The following AGMO variants were observed in gnomAD, a reference collection of about 807,000 sequenced individuals.
The protein encoded by AGMO is glyceryl-ether monooxygenase.
A neutral mutation model predicts 60.2 loss-of-function variants in AGMO; 75 were observed. That is an observed-to-expected ratio of 1.25 (90% CI 1.03 to 1.51). The LOEUF (loss-of-function observed/expected upper bound fraction) is 1.51, where lower values mean the gene tolerates loss of function less well. Ranked by LOEUF, AGMO falls within the 40% of genes most tolerant of loss-of-function variation. AGMO has a pLI of 0.00. For missense variants in AGMO, 763 were observed against 525.5 expected (o/e 1.45, Z -4.42); for synonymous variants, 261 against 177.1 (o/e 1.47, Z -3.76).
In AGMO at chr7:15,456,176, A is replaced by T. The variant is rs555145467; in HGVS notation, c.410-25068T>A. On this transcript the variant is annotated intron_variant, in intron 3 of 12. Coordinates refer to ENST00000342526, the MANE Select transcript of AGMO (RefSeq NM_001004320.2). The stretch of plus-strand genomic sequence containing the variant: ...TTTGGATAATTTTATTTCTGTCTTC[A>T]TATATTTAATTTCTCAAACTTCACT... 1.5e-3 allele frequency among the ~76,000 whole-genome samples: 225 copies of T among 152,114 alleles called. 2 individuals are homozygous for T. Among genetic ancestry groups the T allele is most frequent in the Non-Finnish European group, 2.0e-3 (134 of 67,974 alleles).
chr7:15,286,740 A>T (rs1784111040), intron 12 of AGMO, among the ~76,000 whole-genome samples: 3 of 152,140 alleles, frequency 2.0e-5, no homozygotes, highest in South Asian at 4.1e-4. Context: ...TCCAAAGGAA[A>T]ATAAGATATT....
rs577637612 is a variant in AGMO, at chr7:15,353,399, AACTC to A, written c.1263+12111_1263+12114del. 2.2e-4 allele frequency among the ~76,000 whole-genome samples: 33 copies of A among 152,272 alleles called. No individual in the cohort carries two copies. In the East Asian group the frequency reaches 5.4e-3, roughly 25 times the overall value. ...TTAATGGGGATTGTATTCATGTTAT[AACTC>A]ACTCAAAATTCCTAGGCTTATGATG... On this transcript the variant is annotated intron_variant, in intron 12 of 12. Transcript: ENST00000342526.
intron 5 of AGMO, among the ~76,000 whole-genome samples, chr7:15,411,575 T>C (rs1448934840): frequency 1.3e-5 from 2 of 152,096 alleles, no homozygotes; most frequent in Non-Finnish European, 2.9e-5. Context: ...TATTAAAGTT[T>C]TTATAATCAT....
intron 12 of AGMO, among the ~76,000 whole-genome samples, chr7:15,268,856 C>A (rs141743788): frequency 1.7e-4 from 26 of 151,922 alleles, no homozygotes; most frequent in African/African-American, 5.1e-4. Flanking sequence ...CTCTATTTTG[C>A]GGTAAGGTCA....
chr7:15,493,561 G>C (rs890992284), intron 3 of AGMO, among the ~76,000 whole-genome samples: 2 of 151,114 alleles, frequency 1.3e-5, no homozygotes, highest in African/African-American at 4.9e-5. Context: ...TTTTTTAGTA[G>C]AGACGGGGTT....
chr7:15,486,035 G>A (rs755657661), intron 3 of AGMO, among the ~76,000 whole-genome samples: 10 of 152,136 alleles, frequency 6.6e-5, no homozygotes, highest in Non-Finnish European at 1.3e-4. Context: ...GCTTCAGAAC[G>A]ATTAGAATAG....
At position 15,354,504 on chromosome 7, in the gene AGMO, A is replaced by G. The variant is rs1188849623; in HGVS notation, c.1263+11010T>C. Among the ~76,000 whole-genome samples, 252 of 35,580 alleles carry G rather than the reference A, an allele frequency of 7.1e-3. 18 individuals carry two copies. The highest frequency in any genetic ancestry group is 0.017 in the Middle Eastern group (1 of 60). The allele number at this position is 35,580 out of a possible 152,430, so 23.3% of individuals were successfully genotyped here. On this transcript the variant is annotated intron_variant, in intron 12 of 12. Coordinates refer to ENST00000342526, the MANE Select transcript of AGMO (RefSeq NM_001004320.2). ...TGTGTATATACACACGTGTATATAT[A>G]TATATATATATATATATATATATAT...
the AGMO span, among the ~76,000 whole-genome samples, chr7:15,160,585 G>C: frequency 6.6e-6 from 1 of 151,770 alleles, no homozygotes; most frequent in African/African-American, 2.4e-5. Flanking sequence ...AACTTAAAAG[G>C]ATATAATTTA....
intron 12 of AGMO, among the ~76,000 whole-genome samples, chr7:15,301,846 T>A (rs983855964): frequency 3.3e-5 from 5 of 152,106 alleles, no homozygotes; most frequent in Non-Finnish European, 7.3e-5. Flanking sequence ...AATTTTTTAT[T>A]ATATAGAAAT....
chr7:15,291,865 T>C (rs1162191556), intron 12 of AGMO, among the ~76,000 whole-genome samples: 1 of 152,134 alleles, frequency 6.6e-6, no homozygotes, highest in African/African-American at 2.4e-5. Context: ...AGCTTCCTTC[T>C]GGAGAAGAAA....
At chr7:15,221,275 G>A (rs988741328) in intron 12 of AGMO, among the ~76,000 whole-genome samples, 4 of 152,126 alleles carry the variant, frequency 2.6e-5, no homozygotes, top group African/African-American at 9.7e-5. Flanking sequence ...CCATCTGTCA[G>A]TTCCTTGAGC....
At chr7:15,477,281 G>C (rs766142679) in intron 3 of AGMO, among the ~76,000 whole-genome samples, 1 of 151,970 alleles carries the variant, frequency 6.6e-6, no homozygotes, top group Non-Finnish European at 1.5e-5. Context: ...GGGTCTTTTG[G>C]GTGAGTGGTT....
intron 12 of AGMO, among the ~76,000 whole-genome samples, chr7:15,278,039 C>T (rs933534200): frequency 3.3e-5 from 5 of 152,078 alleles, no homozygotes; most frequent in Admixed American, 3.3e-4. Flanking sequence ...ACCCCTGGTC[C>T]CAGGGCTCAT....
chr7:15,306,078 A>G (rs1780604143), intron 12 of AGMO, among the ~76,000 whole-genome samples: 1 of 152,004 alleles, frequency 6.6e-6, no homozygotes, highest in African/African-American at 2.4e-5. Flanking sequence ...AACTTTAAAG[A>G]ATAATTTAAA....
intron 12 of AGMO, among the ~76,000 whole-genome samples, chr7:15,287,514 G>A (rs762989124): frequency 6.6e-6 from 1 of 152,130 alleles, no homozygotes; most frequent in Admixed American, 6.6e-5. Context: ...TGAACAAAAG[G>A]TAGATTATTT....
At chr7:15,540,455 C>T (rs1784596248) in intron 3 of AGMO, among the ~76,000 whole-genome samples, 1 of 152,142 alleles carries the variant, frequency 6.6e-6, no homozygotes, top group Non-Finnish European at 1.5e-5. Flanking sequence ...AAAGAGCACG[C>T]TGGAAAATGG....
rs1563105071 is a variant in AGMO at position 15,354,372 on chromosome 7, GTGTGTATACA to G, written c.1263+11132_1263+11141del. ...TGTATATAGACGTGTGTATATAGACGTGTGTATACACGTGTGTGTATACACGTGTGTGTAC... is the reference window on the plus strand; with the variant it reads ...TGTATATAGACGTGTGTATATAGACGCGTGTGTGTATACACGTGTGTGTAC... On this transcript the variant is annotated intron_variant, in intron 12 of 12. Transcript: ENST00000342526. 4.0e-4 allele frequency among the ~76,000 whole-genome samples: 24 copies of G among 60,280 alleles called. 3 individuals carry two copies. The East Asian group carries it at 0.016, about 41-fold the overall frequency. 39.5% of individuals were successfully genotyped at this position (60,280 alleles called of 152,430 possible).
intron 12 of AGMO, among the ~76,000 whole-genome samples, chr7:15,239,937 G>C (rs1459221059): frequency 6.6e-6 from 1 of 152,036 alleles, no homozygotes; most frequent in African/African-American, 2.4e-5. Context: ...CCTTATCCAT[G>C]CATTTTGAAA....
In AGMO at chr7:15,385,539, G is replaced by T. The variant is rs982863271; in HGVS notation, c.981C>A (p.Phe327Leu). 12 of 1,612,182 alleles carry T rather than the reference G, an allele frequency of 7.4e-6. No individual in the cohort carries two copies. The highest frequency in any genetic ancestry group is 2.7e-5 in the African/African-American group (2 of 74,974). Reference sequence around the variant, plus strand: ...TTAATAGCTGAGATGAAGATGATGAGAAGGGAACTTCTTTGCCGGTGACCT... The same window carrying T: ...TTAATAGCTGAGATGAAGATGATGATAAGGGAACTTCTTTGCCGGTGACCT... Reference protein sequence around the residue: ...IPEVTGKEVPFSSSSSQLLKI... With the variant: ...IPEVTGKEVPLSSSSSQLLKI... Residue 327 changes from phenylalanine to leucine, a missense_variant, in exon 10 of 13, where the codon TTC becomes TTA. By Grantham distance (22) the Phe-to-Leu change is conservative (BLOSUM62 0). Transcript: ENST00000342526.
Sources: gnomAD v4.1 joint callset for allele counts (sites outside exome capture counted in the v4.1 genomes callset) on GRCh38, gnomAD v4.1.1 for gene constraint, MANE v1.5 for transcripts, NCBI Gene and HGNC (gene_info 2026-07-23, HGNC 2026-07-21) for gene names.